Variants in SYT16 observed in about 807,000 individuals in gnomAD.
The protein encoded by SYT16 is synaptotagmin 16.
A neutral mutation model predicts 61.4 loss-of-function variants in SYT16; 42 were observed. The ratio of observed to expected loss-of-function variants is 0.68; its 90% CI spans 0.53 to 0.89. The LOEUF (loss-of-function observed/expected upper bound fraction) is 0.89. Ranked by LOEUF, SYT16 falls within the 40% of genes least tolerant of loss-of-function variation. The pLI is 0.00. For synonymous variants in SYT16, 314 were observed against 302.3 expected (o/e 1.04, Z -0.40); for missense variants, 804 against 807.3 (o/e 1.00, Z 0.05).
At chr14:62,000,099 A>AT in intron 3 of SYT16, among the ~76,000 whole-genome samples, 566 of 18,852 alleles carry the variant, frequency 0.03, 36 homozygotes, top group South Asian at 0.048. Flanking sequence ...TTGTCTCTCG[A>AT]TTTTTTTTTT....
intron 1 of SYT16, among the ~76,000 whole-genome samples, chr14:61,911,856 T>C (rs952860571): frequency 6.6e-6 from 1 of 152,180 alleles, no homozygotes; most frequent in African/African-American, 2.4e-5. Flanking sequence ...TGAAAGGATG[T>C]TTGATCTTTA....
At chr14:61,943,779 T>C (rs770891271) in intron 1 of SYT16, among the ~76,000 whole-genome samples, 12 of 152,180 alleles carry the variant, frequency 7.9e-5, no homozygotes, top group Admixed American at 3.3e-4. Context: ...CAATGTCATA[T>C]TGAATGGGCA....
intron 2 of SYT16, among the ~76,000 whole-genome samples, chr14:61,973,856 A>C (rs910925826): frequency 1.3e-5 from 2 of 152,162 alleles, no homozygotes; most frequent in African/African-American, 4.8e-5. Context: ...TGAAGTGGTG[A>C]AAGGAAAGAG....
chr14:61,853,627 TC>T (rs2046684875), intron 1 of SYT16, among the ~76,000 whole-genome samples: 2 of 152,226 alleles, frequency 1.3e-5, no homozygotes, highest in African/African-American at 2.4e-5. Context: ...GGCACTTTGA[TC>T]TTGGAACTTT....
Position 61,996,334 on chromosome 14 carries a change from A to T in SYT16, c.315A>T (p.Ser105=). The T allele has an allele frequency of 1.2e-6, 2 of 1,613,364 alleles. No homozygotes were observed. The highest frequency in any genetic ancestry group is 1.7e-6 in the Non-Finnish European group (2 of 1,179,484). The change falls in exon 3 of 8, where the codon TCA becomes TCT. Residue 105 remains serine (S), a synonymous_variant. Transcript: ENST00000683842. ...NSDLQDSAQN[S]SPSLSQHAKD... ...ATTTGCAGGACTCTGCCCAAAATTC[A>T]AGCCCAAGCCTTAGCCAACATGCAA...
At chr14:61,866,573 G>A (rs1033226001) in intron 1 of SYT16, among the ~76,000 whole-genome samples, 3 of 151,902 alleles carry the variant, frequency 2.0e-5, no homozygotes, top group African/African-American at 7.2e-5. Flanking sequence ...CCTATTCTTT[G>A]GTAATATATG....
At chr14:61,948,232 A>C (rs2050526747) in intron 1 of SYT16, among the ~76,000 whole-genome samples, 1 of 152,062 alleles carries the variant, frequency 6.6e-6, no homozygotes, top group Non-Finnish European at 1.5e-5. Flanking sequence ...ATCCTGCGTA[A>C]GTGTATGTGT....
rs757362238 is a variant in SYT16, at chr14:61,981,567, G to A, written c.-145+11256G>A. Among the ~76,000 whole-genome samples the A allele has an allele frequency of 5.9e-5, 9 of 152,066 alleles. No individual in the cohort carries two copies. In the South Asian group the frequency reaches 6.2e-4, roughly 11 times the overall value. Reference sequence around the variant, plus strand: ...ATTCATTTCCAAATGATACTCTCTCGTCTCCATTTTCTTGTTTCCCTGGCT... The same window carrying A: ...ATTCATTTCCAAATGATACTCTCTCATCTCCATTTTCTTGTTTCCCTGGCT... On this transcript the variant is annotated intron_variant, in intron 2 of 7. Transcript: ENST00000683842.
chr14:61,858,278 C>G (rs2046848005), intron 1 of SYT16, among the ~76,000 whole-genome samples: 1 of 152,018 alleles, frequency 6.6e-6, no homozygotes, highest in Admixed American at 6.6e-5. Flanking sequence ...ACTTTTCCAC[C>G]CAGAAGTTAG....
intron 3 of SYT16, among the ~76,000 whole-genome samples, chr14:62,019,897 C>A (rs994295061): frequency 6.6e-6 from 1 of 152,186 alleles, no homozygotes; most frequent in African/African-American, 2.4e-5. Context: ...GGTGGCCTGA[C>A]CACAATCCCA....
intron 7 of SYT16, among the ~76,000 whole-genome samples, chr14:62,099,120 T>C (rs1372018872): frequency 6.6e-6 from 1 of 152,100 alleles, no homozygotes. Context: ...CACCAAGAAA[T>C]TGAGCTCTCA....
chr14:62,062,558 G>A (rs559263906), intron 3 of SYT16, among the ~76,000 whole-genome samples: 2 of 152,258 alleles, frequency 1.3e-5, no homozygotes, highest in South Asian at 4.1e-4. Context: ...ATCAAGACTG[G>A]GTAATTTATA....
intron 3 of SYT16, among the ~76,000 whole-genome samples, chr14:62,061,769 G>A (rs2055837096): frequency 6.6e-6 from 1 of 151,892 alleles, no homozygotes; most frequent in Non-Finnish European, 1.5e-5. Context: ...AACTAAAAGG[G>A]GAAATAAAAT....
chr14:62,044,401 T>G (rs1433094656), intron 3 of SYT16, among the ~76,000 whole-genome samples: 6 of 151,920 alleles, frequency 3.9e-5, no homozygotes. Context: ...ATCATCTAGG[T>G]TTTAAGCCCC....
intron 3 of SYT16, among the ~76,000 whole-genome samples, chr14:62,039,834 TAC>T (rs71449576): frequency 0.082 from 10,143 of 124,248 alleles, 386 homozygotes; most frequent in African/African-American, 0.094. Flanking sequence ...GGCTTAAGCA[TAC>T]ACACACACAC....
At chr14:61,893,705 A>G (rs1161992552) in intron 1 of SYT16, among the ~76,000 whole-genome samples, 2 of 152,162 alleles carry the variant, frequency 1.3e-5, no homozygotes, top group Middle Eastern at 6.3e-3. Context: ...TCCATCCACT[A>G]GAATCTTATG....
chr14:62,031,500 C>T (rs1361065569), intron 3 of SYT16, among the ~76,000 whole-genome samples: 1 of 152,092 alleles, frequency 6.6e-6, no homozygotes, highest in Non-Finnish European at 1.5e-5. Flanking sequence ...TTCCCTTCTA[C>T]TAATCATGAA....
At position 62,031,154 on chromosome 14, in the gene SYT16, G is replaced by A. The variant is rs537541960; in HGVS notation, c.523+34612G>A. On this transcript the variant is annotated intron_variant, in intron 3 of 7. Transcript: ENST00000683842. Reference sequence around the variant, plus strand: ...TTTAAAGTCTCTTTGAAAATATATGGCTTGTGTTAAAAAATGGAAGGCCAC... The same window carrying A: ...TTTAAAGTCTCTTTGAAAATATATGACTTGTGTTAAAAAATGGAAGGCCAC... 2.6e-5 allele frequency among the ~76,000 whole-genome samples: 4 copies of A among 152,230 alleles called. No individual in the cohort carries two copies. In the East Asian group the frequency reaches 7.7e-4, roughly 29 times the overall value.
chr14:61,862,032 CA>C (rs1210762106), intron 1 of SYT16, among the ~76,000 whole-genome samples: 1 of 149,604 alleles, frequency 6.7e-6, no homozygotes, highest in Admixed American at 6.6e-5. Context: ...GTAAAAAAAA[CA>C]CACACAATAT....
Sources: allele counts gnomAD v4.1 joint callset (sites outside exome capture counted in the v4.1 genomes callset), GRCh38; gene constraint gnomAD v4.1.1; transcripts MANE v1.5; gene names NCBI Gene and HGNC (gene_info 2026-07-23, HGNC 2026-07-21).